ZNRF1: variants seen among roughly 807,000 people sequenced by gnomAD.
ZNRF1 encodes E3 ubiquitin-protein ligase ZNRF1.
ZNRF1 carries 3 observed loss-of-function variants against 18.4 expected under a neutral mutation model. The ratio of observed to expected loss-of-function variants is 0.16; its 90% confidence interval spans 0.07 to 0.42. ZNRF1 has a LOEUF of 0.42. ZNRF1 is among the 10% of genes least tolerant of loss of function. ZNRF1 has a pLI of 0.99. For missense variants in ZNRF1, 310 were observed against 329.8 expected, an observed-to-expected ratio of 0.94 and a Z score of 0.47; for synonymous variants, 157 against 144.2, an observed-to-expected ratio of 1.09 and a Z score of -0.64.
chr16:75,109,291 C>T lies in ZNRF1; in HGVS notation c.*1591C>T, dbSNP rs909652487. The T allele has an allele frequency of 6.6e-6, 1 of 152,576 alleles. No individual in the cohort carries two copies. Among genetic ancestry groups the T allele is most frequent in the African/African-American group, 2.4e-5 (1 of 41,592 alleles). The allele number at this position is 152,576 out of a possible 1,614,324, so 9.5% of individuals were successfully genotyped here. On this transcript the variant is annotated 3_prime_UTR_variant, in exon 5 of 5. Transcript: ENST00000335325. The stretch of plus-strand genomic sequence containing the variant: ...CAGCAGTGCAGGCCTGGCCTGTGTC[C>T]CCGTGCCCAGCGGGCTCCCGGAGCA...
chr16:75,050,674 C>T (rs1459375814), intron 1 of ZNRF1, among the ~76,000 whole-genome samples: 1 of 151,250 alleles, frequency 6.6e-6, no homozygotes, highest in Non-Finnish European at 1.5e-5. Context: ...CGAGACCATC[C>T]TGGCTAACAC....
intron 1 of ZNRF1, among the ~76,000 whole-genome samples, chr16:75,071,283 A>G (rs2035866954): frequency 6.6e-6 from 1 of 152,128 alleles, no homozygotes; most frequent in East Asian, 1.9e-4. Flanking sequence ...TATTTTTAGT[A>G]GAGACAGGGT....
At chr16:75,100,631 ACAGTTGAGTTAC>A (rs1329311637) in intron 2 of ZNRF1, among the ~76,000 whole-genome samples, 2 of 152,238 alleles carry the variant, frequency 1.3e-5, no homozygotes, top group Non-Finnish European at 2.9e-5. Context: ...CCTTGGGCTC[ACAGTTGAGTTAC>A]CAATCAGTAG....
At position 75,103,194 on chromosome 16, in the gene ZNRF1, C is replaced by T. The variant is rs559044141; in HGVS notation, c.521-1590C>T. Among the ~76,000 whole-genome samples, 6 of 152,264 alleles carry T rather than the reference C, an allele frequency of 3.9e-5. No individual in the cohort carries two copies. In the East Asian group the frequency reaches 7.7e-4, roughly 20 times the overall value. The stretch of plus-strand genomic sequence containing the variant: ...TCACTGTCGCCGGCACGCAGAATGC[C>T]ATAGGACTTAATAAAAACCAGTGGG... On this transcript the variant is annotated intron_variant, in intron 2 of 4. Coordinates refer to ENST00000335325, the MANE Select transcript of ZNRF1 (RefSeq NM_032268.5).
At chr16:75,000,428 A>G (rs1301710803) in intron 1 of ZNRF1, 3 of 504,200 alleles carry the variant, frequency 6.0e-6, no homozygotes, top group Admixed American at 2.4e-5. Context: ...GGGTACTTCC[A>G]TTCTGCCACT....
intron 1 of ZNRF1, among the ~76,000 whole-genome samples, chr16:75,008,481 C>T (rs183708172): frequency 1.6e-4 from 25 of 152,290 alleles, no homozygotes; most frequent in Non-Finnish European, 5.9e-5. Flanking sequence ...CCTACATCTT[C>T]AGCCAGGCAG....
At chr16:75,001,302 T>G (rs1460959654) in intron 1 of ZNRF1, among the ~76,000 whole-genome samples, 1 of 152,128 alleles carries the variant, frequency 6.6e-6, no homozygotes. Context: ...CTGGGGTTTG[T>G]TTTCATTTGG....
At chr16:75,007,648 G>C (rs2034939513) in intron 1 of ZNRF1, among the ~76,000 whole-genome samples, 1 of 152,148 alleles carries the variant, frequency 6.6e-6, no homozygotes, top group South Asian at 2.1e-4. Flanking sequence ...TCTCTAGGGA[G>C]GTAGTTAACG....
chr16:75,072,852 A>G (rs2035886303), intron 1 of ZNRF1, among the ~76,000 whole-genome samples: 1 of 152,152 alleles, frequency 6.6e-6, no homozygotes, highest in African/African-American at 2.4e-5. Context: ...ACTGTGAGGG[A>G]GGCATTACAA....
At chr16:75,037,957 C>T (rs1484504980) in intron 1 of ZNRF1, among the ~76,000 whole-genome samples, 2 of 152,130 alleles carry the variant, frequency 1.3e-5, no homozygotes. Context: ...CTTGTGAACA[C>T]TTATTTTCTT....
At position 74,999,775 on chromosome 16, in the gene ZNRF1, G is replaced by C. The variant is rs1322565284; in HGVS notation, c.104G>C (p.Gly35Ala). 1 of 1,401,754 alleles carries C rather than the reference G, an allele frequency of 7.1e-7. No individual in the cohort carries two copies. The highest frequency in any genetic ancestry group is 9.2e-7 in the Non-Finnish European group (1 of 1,084,494). 86.8% of individuals were successfully genotyped at this position (1,401,754 alleles called of 1,614,324 possible). ...CCGCCGGGAGGGGCGCCCCATTTCG[G>C]GCACTACCGGACGGGCGGCGGGGCC... The part of the protein sequence containing the change: ...VPPPGGAPHF[G>A]HYRTGGGAMG... Residue 35 changes from glycine to alanine, a missense_variant, in exon 1 of 5, where the codon GGG (glycine) becomes GCG (alanine). Gly to Ala is a moderately conservative substitution (Grantham distance 60). Transcript: ENST00000335325.
chr16:75,025,542 T>G (rs2035210711), intron 1 of ZNRF1, among the ~76,000 whole-genome samples: 1 of 152,176 alleles, frequency 6.6e-6, no homozygotes, highest in Non-Finnish European at 1.5e-5. Context: ...AATTTCTCTA[T>G]GAGTTGTTAT....
chr16:75,088,364 G>A (rs1490284324), intron 1 of ZNRF1, among the ~76,000 whole-genome samples: 1 of 152,136 alleles, frequency 6.6e-6, no homozygotes, highest in Non-Finnish European at 1.5e-5. Flanking sequence ...GTCATCTGCA[G>A]ATTCAGCATC....
At chr16:75,010,701 G>GTTTTTTTTTTTTTTTTTTTTTTTTTT (rs1334552920) in intron 1 of ZNRF1, among the ~76,000 whole-genome samples, 4 of 63,812 alleles carry the variant, frequency 6.3e-5, no homozygotes, top group African/African-American at 9.0e-5. Context: ...GTACTGTACT[G>GTTTTTTTTTTTTTTTTTTTTTTTTTT]TTTTTTTTTG....
intron 4 of ZNRF1, chr16:75,106,960 G>C (rs748129551): frequency 5.0e-6 from 1 of 201,772 alleles, no homozygotes; most frequent in African/African-American, 2.3e-5. Flanking sequence ...CCTCTTCTAT[G>C]GTAACGGGGA....
chr16:75,001,687 C>CT (rs2145311320), intron 1 of ZNRF1, among the ~76,000 whole-genome samples: 1 of 152,264 alleles, frequency 6.6e-6, no homozygotes, highest in South Asian at 2.1e-4. Context: ...AGAAGTTTCT[C>CT]TAAAATCACA....
chr16:75,084,191 A>G (rs1419928810), intron 1 of ZNRF1, among the ~76,000 whole-genome samples: 1 of 152,240 alleles, frequency 6.6e-6, no homozygotes, highest in Non-Finnish European at 1.5e-5. Context: ...GCCAAAGCAA[A>G]TCACAAACCC....
intron 1 of ZNRF1, among the ~76,000 whole-genome samples, chr16:75,048,642 T>C (rs1431926285): frequency 6.6e-6 from 1 of 152,170 alleles, no homozygotes; most frequent in East Asian, 1.9e-4. Flanking sequence ...AATAGAACCA[T>C]TAGGGCCTGC....
In ZNRF1 at chr16:75,001,131, A is replaced by G. The variant is rs187554252; in HGVS notation, c.424+1036A>G. On this transcript the variant is annotated intron_variant, in intron 1 of 4. Transcript: ENST00000335325. The stretch of plus-strand genomic sequence containing the variant: ...TTGAGTGATGAAGTTACATCTTAAG[A>G]TTCTTTTGGGTGAGTTGGGAAAATT... Among the ~76,000 whole-genome samples, 616 of 152,272 alleles carry G rather than the reference A, an allele frequency of 4.0e-3. 5 individuals carry two copies. Among genetic ancestry groups the G allele is most frequent in the African/African-American group, 0.014 (589 of 41,560 alleles).
Sources: gnomAD v4.1 joint callset for allele counts (sites outside exome capture counted in the v4.1 genomes callset) on GRCh38, gnomAD v4.1.1 for gene constraint, MANE v1.5 for transcripts, NCBI Gene and HGNC (gene_info 2026-07-23, HGNC 2026-07-21) for gene names.